Variants in RABGAP1L observed in about 807,000 individuals in gnomAD.
The protein encoded by RABGAP1L is RAB GTPase activating protein 1 like.
Under a neutral mutation model 137.7 loss-of-function variants are expected in RABGAP1L, and 63 were observed. That is an observed-to-expected ratio of 0.46 (90% CI 0.37 to 0.56). The LOEUF (loss-of-function observed/expected upper bound fraction) is 0.56, where lower values mean the gene tolerates loss of function less well. Among genes scored for constraint, RABGAP1L ranks in the 20% least tolerant of loss-of-function variants. The pLI is 0.00. For missense variants in RABGAP1L, 1,095 were observed against 1,244.0 expected (o/e 0.88, Z 1.80); for synonymous variants, 431 against 433.7 (o/e 0.99, Z 0.08).
chr1:174,774,930 T>C lies in RABGAP1L; in HGVS notation c.2211+22576T>C, dbSNP rs1686410472. Among the ~76,000 whole-genome samples, 7 of 152,134 alleles carry C rather than the reference T, an allele frequency of 4.6e-5. No individual in the cohort carries two copies. The South Asian group carries it at 1.5e-3, about 32-fold the overall frequency. On this transcript the variant is annotated intron_variant, in intron 18 of 25. Coordinates refer to ENST00000681986, the MANE Select transcript of RABGAP1L (RefSeq NM_001366446.1). Reference sequence around the variant, plus strand: ...ATAATGGCTTGAAAAAGATGGTGTATTTCTCCCACAGATATTAATCTAGAG... The same window carrying C: ...ATAATGGCTTGAAAAAGATGGTGTACTTCTCCCACAGATATTAATCTAGAG...
At chr1:174,280,416 T>A (rs1340608753) in intron 10 of RABGAP1L, among the ~76,000 whole-genome samples, 1 of 152,214 alleles carries the variant, frequency 6.6e-6, no homozygotes, top group Non-Finnish European at 1.5e-5. Flanking sequence ...CACCTAGAAC[T>A]TTTTCTTTCA....
At chr1:174,861,235 C>T (rs1650213588) in intron 19 of RABGAP1L, among the ~76,000 whole-genome samples, 1 of 152,098 alleles carries the variant, frequency 6.6e-6, no homozygotes, top group African/African-American at 2.4e-5. Context: ...TAATGTCTTC[C>T]AGCTTCATCC....
chr1:174,337,949 AGT>A (rs753616171), intron 11 of RABGAP1L, among the ~76,000 whole-genome samples: 1 of 152,200 alleles, frequency 6.6e-6, no homozygotes, highest in Non-Finnish European at 1.5e-5. Flanking sequence ...TCATTACAGA[AGT>A]TAAGGAATAC....
intron 13 of RABGAP1L, among the ~76,000 whole-genome samples, chr1:174,554,245 T>G (rs1666735469): frequency 6.6e-6 from 1 of 152,222 alleles, no homozygotes; most frequent in African/African-American, 2.4e-5. Context: ...ACTTGGGCCT[T>G]CTATCATTTG....
chr1:174,713,097 C>A (rs537400179), intron 17 of RABGAP1L, among the ~76,000 whole-genome samples: 1 of 152,300 alleles, frequency 6.6e-6, no homozygotes, highest in African/African-American at 2.4e-5. Flanking sequence ...CCCAGCACTT[C>A]CTTGCCCCCA....
intron 13 of RABGAP1L, among the ~76,000 whole-genome samples, chr1:174,520,396 C>A (rs1663258326): frequency 6.6e-6 from 1 of 152,206 alleles, no homozygotes; most frequent in African/African-American, 2.4e-5. Flanking sequence ...GCTGCCATAG[C>A]AACTGATGCA....
At chr1:174,859,481 T>TGAAAAAAAAAAAAAAAAA (rs1245160440) in intron 19 of RABGAP1L, among the ~76,000 whole-genome samples, 1 of 66,666 alleles carries the variant, frequency 1.5e-5, no homozygotes, top group African/African-American at 1.1e-4. Flanking sequence ...AGACTCCATC[T>TGAAAAAAAAAAAAAAAAA]CAAAAAAAAA....
chr1:174,186,439 A>G (rs1666812896), intron 1 of RABGAP1L, among the ~76,000 whole-genome samples: 1 of 152,222 alleles, frequency 6.6e-6, no homozygotes, highest in African/African-American at 2.4e-5. Flanking sequence ...CTTTCTAGTA[A>G]GAAATAATTA....
chr1:174,657,652 C>G (rs1389920264), intron 14 of RABGAP1L, among the ~76,000 whole-genome samples: 1 of 152,086 alleles, frequency 6.6e-6, no homozygotes, highest in Non-Finnish European at 1.5e-5. Context: ...TTGTTGGACA[C>G]TTGGGTTGAT....
At chr1:174,983,790 T>C (rs1574075977) in intron 24 of RABGAP1L, among the ~76,000 whole-genome samples, 1 of 152,298 alleles carries the variant, frequency 6.6e-6, no homozygotes, top group South Asian at 2.1e-4. Context: ...TACAAGACCT[T>C]GTATTCCAAA....
intron 22 of RABGAP1L, among the ~76,000 whole-genome samples, chr1:174,977,913 A>G (rs1029656879): frequency 3.3e-4 from 51 of 152,348 alleles, no homozygotes; most frequent in African/African-American, 1.2e-3. Context: ...AATGAGTGCT[A>G]TTATAAATTG....
chr1:174,649,742 C>CA (rs1386183083), intron 14 of RABGAP1L, among the ~76,000 whole-genome samples: 1 of 152,128 alleles, frequency 6.6e-6, no homozygotes, highest in African/African-American at 2.4e-5. Context: ...TGGGCTGAGA[C>CA]AATGGGTTTT....
intron 14 of RABGAP1L, among the ~76,000 whole-genome samples, chr1:174,649,729 T>C (rs1433148850): frequency 6.6e-6 from 1 of 152,148 alleles, no homozygotes; most frequent in Non-Finnish European, 1.5e-5. Context: ...CTTAATGAGA[T>C]TTTGGGCTGA....
Position 174,305,113 on chromosome 1 carries a change from A to T in RABGAP1L, c.1451A>T (p.Asp484Val). The T allele has an allele frequency of 6.5e-7, 1 of 1,535,640 alleles. No homozygotes were observed. Among genetic ancestry groups the T allele is most frequent in the South Asian group, 1.3e-5 (1 of 76,724 alleles). The change falls in exon 11 of 26, where the codon GAT becomes GTT. Residue 484 changes from aspartate (D) to valine (V), a missense_variant. By Grantham distance (152) the Asp-to-Val change is radical (BLOSUM62 -3). Transcript: ENST00000681986. ...SGGGPMSPQD[D>V]EAEEESDNEL... is the part of the protein sequence containing the mutation. Reference sequence around the variant, plus strand: ...GGGGGTCCAATGTCACCCCAGGATGATGAAGCAGAAGAGGGTAAGAAGTTG... The same window carrying T: ...GGGGGTCCAATGTCACCCCAGGATGTTGAAGCAGAAGAGGGTAAGAAGTTG...
chr1:174,469,339 A>G (rs1428208724), intron 13 of RABGAP1L, among the ~76,000 whole-genome samples: 1 of 152,212 alleles, frequency 6.6e-6, no homozygotes, highest in Non-Finnish European at 1.5e-5. Context: ...ACTTTCTAGT[A>G]AATCAGGTAT....
intron 14 of RABGAP1L, among the ~76,000 whole-genome samples, chr1:174,673,138 A>G (rs924600673): frequency 6.6e-6 from 1 of 152,220 alleles, no homozygotes; most frequent in Admixed American, 6.5e-5. Context: ...AGCTCTAGAT[A>G]AAAGTACAAA....
intron 13 of RABGAP1L, among the ~76,000 whole-genome samples, chr1:174,434,558 T>C (rs1653040221): frequency 6.6e-6 from 1 of 152,210 alleles, no homozygotes; most frequent in South Asian, 2.1e-4. Flanking sequence ...TGTCAAAGTT[T>C]TCAAAGTTGA....
chr1:174,208,620 TG>T (rs1490351981), intron 1 of RABGAP1L, among the ~76,000 whole-genome samples: 1 of 152,200 alleles, frequency 6.6e-6, no homozygotes, highest in Non-Finnish European at 1.5e-5. Flanking sequence ...CTTTCGTACC[TG>T]GTATATAATT....
intron 13 of RABGAP1L, among the ~76,000 whole-genome samples, chr1:174,544,211 C>G (rs1423268584): frequency 1.3e-5 from 2 of 152,140 alleles, no homozygotes; most frequent in African/African-American, 2.4e-5. Flanking sequence ...GTTCCATTCT[C>G]CTTGTCACTT....
Sources: gnomAD v4.1 joint callset for allele counts (sites outside exome capture counted in the v4.1 genomes callset) on GRCh38, gnomAD v4.1.1 for gene constraint, MANE v1.5 for transcripts, NCBI Gene and HGNC (gene_info 2026-07-23, HGNC 2026-07-21) for gene names.